Variants in GALK2 observed in about 807,000 individuals in gnomAD.
GALK2 encodes the protein N-acetylgalactosamine kinase.
In GALK2, 36 loss-of-function variants were observed where a neutral mutation model predicts 52.4. The observed-to-expected ratio is 0.69, with a 90% CI of 0.53 to 0.91. The LOEUF (loss-of-function observed/expected upper bound fraction) is 0.91, where lower values mean the gene tolerates loss of function less well. Among genes scored for constraint, GALK2 ranks in the 40% least tolerant of loss-of-function variants. The probability of loss-of-function intolerance (pLI) is 0.00; values close to 1 mark genes in which losing one functional copy is unlikely to be tolerated. For synonymous variants in GALK2, 176 were observed against 199.1 expected, an observed-to-expected ratio of 0.88 and a Z score of 0.98; for missense variants, 579 against 559.1, an observed-to-expected ratio of 1.04 and a Z score of -0.36.
downstream of GALK2, among the ~76,000 whole-genome samples, chr15:49,336,698 T>C (rs1476983082): frequency 4.6e-5 from 7 of 152,242 alleles, no homozygotes; most frequent in Non-Finnish European, 8.8e-5. Context: ...AAGTACTTTC[T>C]AAAAAATAAT....
At chr15:49,195,298 C>T (rs181881740) in intron 1 of GALK2, 16 of 278,228 alleles carry the variant, frequency 5.8e-5, no homozygotes, top group African/African-American at 3.5e-4. Flanking sequence ...GTCTGGAACT[C>T]CTGACCTCAT....
chr15:49,229,878 A>C (rs541742367), intron 3 of GALK2, among the ~76,000 whole-genome samples: 17 of 152,166 alleles, frequency 1.1e-4, no homozygotes, highest in African/African-American at 4.1e-4. Context: ...TTGAAAATCC[A>C]TGGTGGCTCT....
intron 3 of GALK2, among the ~76,000 whole-genome samples, chr15:49,220,588 A>G (rs1371406557): frequency 1.3e-5 from 2 of 152,198 alleles, no homozygotes; most frequent in African/African-American, 4.8e-5. Flanking sequence ...TTTCCTTTGG[A>G]TAAATACGCA....
intron 3 of GALK2, among the ~76,000 whole-genome samples, chr15:49,350,464 A>G (rs1233355073): frequency 6.6e-6 from 1 of 152,236 alleles, no homozygotes; most frequent in East Asian, 1.9e-4. Flanking sequence ...ACTGGATCAC[A>G]TACTAATTCT....
chr15:49,158,595 C>T (rs2084535246), intron 1 of GALK2, among the ~76,000 whole-genome samples: 1 of 151,980 alleles, frequency 6.6e-6, no homozygotes, highest in Non-Finnish European at 1.5e-5. Flanking sequence ...TATGTGGTAT[C>T]ACATGATAAA....
intron 8 of GALK2, among the ~76,000 whole-genome samples, chr15:49,316,479 G>C (rs138838537): frequency 0.017 from 2,528 of 150,648 alleles, 97 homozygotes; most frequent in African/African-American, 0.06. Flanking sequence ...GTGGGGGTAG[G>C]GGGGAGGGAT....
intron 7 of GALK2, among the ~76,000 whole-genome samples, chr15:49,291,757 A>G (rs569375272): frequency 2.6e-5 from 4 of 152,328 alleles, no homozygotes; most frequent in Admixed American, 2.6e-4. Context: ...ATATAGCTCT[A>G]CTACCACCAG....
At position 49,362,461 on chromosome 15, in the gene GALK2, T is replaced by G. The variant is rs573946978; in HGVS notation, c.427-5030T>G. On this transcript the variant is annotated intron_variant, in intron 3 of 3. Transcript: ENST00000558399. The stretch of plus-strand genomic sequence containing the variant: ...TCTTTTCTTCATAAATTATCCAGGT[T>G]CAGGTAGTTCTTTATAGCAGCATGA... 1.0e-3 allele frequency among the ~76,000 whole-genome samples: 158 copies of G among 152,184 alleles called. 1 individual carries two copies. The highest frequency in any genetic ancestry group is 3.7e-3 in the African/African-American group (155 of 41,540).
intron 8 of GALK2, among the ~76,000 whole-genome samples, chr15:49,293,390 A>G (rs1230954413): frequency 2.0e-5 from 3 of 152,266 alleles, no homozygotes; most frequent in Non-Finnish European, 2.9e-5. Flanking sequence ...TAATTTGATG[A>G]AGCTTGATTG....
intron 1 of GALK2, among the ~76,000 whole-genome samples, chr15:49,177,050 T>A (rs1005551345): frequency 2.6e-5 from 4 of 152,070 alleles, no homozygotes; most frequent in Admixed American, 1.3e-4. Flanking sequence ...CATTTAAAAA[T>A]TTTTAAATCT....
intron 8 of GALK2, among the ~76,000 whole-genome samples, chr15:49,310,911 A>G (rs2035935971): frequency 6.6e-6 from 1 of 151,880 alleles, no homozygotes; most frequent in African/African-American, 2.4e-5. Flanking sequence ...CTATTTGTCT[A>G]TTTTTGTTGT....
upstream of GALK2, among the ~76,000 whole-genome samples, chr15:49,166,063 A>C (rs2084811189): frequency 6.6e-6 from 1 of 151,886 alleles, no homozygotes; most frequent in African/African-American, 2.4e-5. Flanking sequence ...CGGCCTCCCA[A>C]AGTGCTGGAA....
At chr15:49,184,439 A>G (rs915435545) in intron 1 of GALK2, among the ~76,000 whole-genome samples, 4 of 152,090 alleles carry the variant, frequency 2.6e-5, no homozygotes, top group Admixed American at 6.5e-5. Context: ...CAGCCATTCT[A>G]TGTCCTTTGA....
At position 49,328,311 on chromosome 15, in the gene GALK2, C is replaced by T. The variant is rs2037883410; in HGVS notation, c.*152C>T. On this transcript the variant is annotated 3_prime_UTR_variant, in exon 10 of 10. Transcript: ENST00000560031. ...ATATTTTCAAAGAAATGGTTGAAAG[C>T]TCTCTATGCTTCATAATGATTCTTT... The T allele has an allele frequency of 7.0e-7, 1 of 1,433,356 alleles. No individual in the cohort carries two copies. The highest frequency in any genetic ancestry group is 1.6e-5 in the South Asian group (1 of 64,338). The allele number at this position is 1,433,356 out of a possible 1,614,324, so 88.8% of individuals were successfully genotyped here. A position where few individuals can be genotyped will look rare whatever the true frequency, so the allele number is the denominator to read the frequency against.
In GALK2 at chr15:49,355,353, C is replaced by A. The variant is rs1596458243; in HGVS notation, c.427-12138C>A. ...GTTGAAAACTTTGAAAAAAATTTAG[C>A]AGTATGTATAACTAGAATAACCAAT... is the stretch of plus-strand genomic sequence containing the variant. On this transcript the variant is annotated intron_variant, in intron 3 of 3. Transcript: ENST00000558399. Among the ~76,000 whole-genome samples, 6 of 152,194 alleles carry A rather than the reference C, an allele frequency of 3.9e-5. No individual in the cohort carries two copies. The South Asian group carries it at 6.2e-4, about 16-fold the overall frequency.
intron 3 of GALK2, among the ~76,000 whole-genome samples, chr15:49,342,030 T>C (rs527789469): frequency 4.6e-5 from 7 of 152,358 alleles, no homozygotes; most frequent in Non-Finnish European, 8.8e-5. Flanking sequence ...AAGTATTTTG[T>C]AGGTATCTCT....
chr15:49,168,047 A>C (rs1038628738), upstream of GALK2, among the ~76,000 whole-genome samples: 2 of 152,244 alleles, frequency 1.3e-5, no homozygotes, highest in African/African-American at 2.4e-5. Flanking sequence ...CCTCTAGGCT[A>C]GGAGTCTAGA....
chr15:49,215,611 C>T (rs928588522), intron 2 of GALK2, among the ~76,000 whole-genome samples: 1 of 152,158 alleles, frequency 6.6e-6, no homozygotes, highest in Non-Finnish European at 1.5e-5. Context: ...TGTTAAATTT[C>T]TCTGGTAGAA....
intron 5 of GALK2, among the ~76,000 whole-genome samples, chr15:49,260,575 A>G (rs2092055904): frequency 6.8e-6 from 1 of 146,528 alleles, no homozygotes; most frequent in Non-Finnish European, 1.5e-5. Context: ...GTTTAATTAG[A>G]TCCCATTTGT....
Sources: gnomAD v4.1 joint callset for allele counts (sites outside exome capture counted in the v4.1 genomes callset) on GRCh38, gnomAD v4.1.1 for gene constraint, MANE v1.5 for transcripts, NCBI Gene and HGNC (gene_info 2026-07-23, HGNC 2026-07-21) for gene names.